ANKRD26: variants seen among roughly 807,000 people sequenced by gnomAD.
ANKRD26 encodes ankyrin repeat domain 26.
Under a neutral mutation model 208.7 loss-of-function variants are expected in ANKRD26, and 141 were observed. The observed-to-expected ratio is 0.68, with a 90% CI of 0.59 to 0.78. The LOEUF (loss-of-function observed/expected upper bound fraction) is 0.78. Ranked by LOEUF, ANKRD26 falls within the 30% of genes least tolerant of loss-of-function variation. The pLI is 0.00. For missense variants in ANKRD26, 1,889 were observed against 1,938.7 expected, an observed-to-expected ratio of 0.97 and a Z score of 0.48; for synonymous variants, 636 against 660.4, an observed-to-expected ratio of 0.96 and a Z score of 0.57.
At chr10:26,973,632 T>C (rs112077750), downstream of ANKRD26, among the ~76,000 whole-genome samples, 1,525 of 148,362 alleles carry the variant, frequency 0.01, 35 homozygotes, top group African/African-American at 0.036. Flanking sequence ...ATATTTTACT[T>C]TTGTTTTTTA....
At chr10:27,040,922 T>C (rs946533299) in intron 20 of ANKRD26, among the ~76,000 whole-genome samples, 1 of 150,402 alleles carries the variant, frequency 6.6e-6, no homozygotes, top group South Asian at 2.1e-4. Context: ...CACAGCTACT[T>C]GGGGGGGCCG....
downstream of ANKRD26, among the ~76,000 whole-genome samples, chr10:26,971,345 T>C (rs1245994422): frequency 6.6e-6 from 1 of 151,502 alleles, no homozygotes; most frequent in African/African-American, 2.4e-5. Context: ...ATTGCTCCAT[T>C]GCACTCCAGC....
intron 15 of ANKRD26, among the ~76,000 whole-genome samples, chr10:27,056,123 T>C (rs1284825423): frequency 6.6e-6 from 1 of 152,208 alleles, no homozygotes; most frequent in Non-Finnish European, 1.5e-5. Context: ...TTTTGTCCGG[T>C]TGTAGGTTAC....
At chr10:27,082,668 C>T in intron 6 of ANKRD26, 135 bp downstream of exon 6, 1 of 1,304,130 alleles carries the variant, frequency 7.7e-7, no homozygotes, top group Non-Finnish European at 1.0e-6. Flanking sequence ...TAATATAGCA[C>T]AGATACTTTG....
Position 27,077,662 on chromosome 10 carries a change from A to T in ANKRD26, c.845T>A (p.Met282Lys). 6.2e-7 allele frequency: 1 copy of T among 1,613,280 alleles called. No homozygotes were observed. The highest frequency in any genetic ancestry group is 1.1e-5 in the South Asian group (1 of 91,046). Residue 282 changes from methionine to lysine, a missense_variant, in exon 8 of 34, where the codon ATG (methionine) becomes AAG (lysine). Physicochemically the swap from Met to Lys is moderately conservative, Grantham distance 95 (BLOSUM62 -1). Transcript: ENST00000376087. ...TTTCCTGGATTGCTGAGAAGCAGTCATTAGCTTTGCTAAGCTTGGTTTTGG... is the reference window on the plus strand; with the variant it reads ...TTTCCTGGATTGCTGAGAAGCAGTCTTTAGCTTTGCTAAGCTTGGTTTTGG... The part of the protein sequence containing the change: ...NVPKPSLAKL[M>K]TASQQSRKNL...
chr10:27,016,397 C>T (rs1417113735), intron 30 of ANKRD26, among the ~76,000 whole-genome samples: 2 of 152,186 alleles, frequency 1.3e-5, no homozygotes, highest in Admixed American at 6.5e-5. Context: ...CTCAGTCTCC[C>T]GAGTAACTGG....
Position 27,100,390 on chromosome 10 carries a change from C to G in ANKRD26, c.-64G>C. On this transcript the variant is annotated 5_prime_UTR_variant, in exon 1 of 34. Transcript: ENST00000376087. Reference sequence around the variant, plus strand: ...TCTCGGCTCTTAACGGCCTCCGGAGCCCAACATAACAAGTCAGCCCCGGCT... The same window carrying G: ...TCTCGGCTCTTAACGGCCTCCGGAGGCCAACATAACAAGTCAGCCCCGGCT... 1 of 1,593,742 alleles carries G rather than the reference C, an allele frequency of 6.3e-7. No homozygotes were observed. Among genetic ancestry groups the G allele is most frequent in the South Asian group, 1.1e-5 (1 of 89,866 alleles).
At chr10:26,967,695 T>C in the ANKRD26 span, among the ~76,000 whole-genome samples, 4 of 152,192 alleles carry the variant, frequency 2.6e-5, no homozygotes, top group East Asian at 7.7e-4. Context: ...ATTCAACTTC[T>C]TTCCACTTCC....
downstream of ANKRD26, among the ~76,000 whole-genome samples, chr10:27,002,143 G>A (rs2052739163): frequency 6.6e-6 from 1 of 152,156 alleles, no homozygotes; most frequent in Non-Finnish European, 1.5e-5. Flanking sequence ...TCTGGGAAAG[G>A]ATGGGGTGAA....
At chr10:27,098,572 G>T (rs1415711945) in intron 1 of ANKRD26, among the ~76,000 whole-genome samples, 4 of 140,804 alleles carry the variant, frequency 2.8e-5, no homozygotes, top group Non-Finnish European at 6.0e-5. Context: ...TTTTTGAGAC[G>T]GAGTCTTGCT....
chr10:27,035,820 T>C (rs2054024762), intron 23 of ANKRD26, 68 bp from the exon 24 acceptor site: 1 of 1,134,844 alleles, frequency 8.8e-7, no homozygotes, highest in Non-Finnish European at 1.3e-6. Flanking sequence ...TCCTCTGAAA[T>C]TAAAGAATAA....
At chr10:27,021,829 T>C (rs1043172530) in intron 29 of ANKRD26, among the ~76,000 whole-genome samples, 2 of 152,184 alleles carry the variant, frequency 1.3e-5, no homozygotes, top group Non-Finnish European at 2.9e-5. Context: ...GTTTGTTGGG[T>C]TGCATGTATG....
chr10:27,068,733 G>A (rs1047549221), intron 9 of ANKRD26, among the ~76,000 whole-genome samples: 6 of 152,014 alleles, frequency 3.9e-5, no homozygotes, highest in African/African-American at 1.5e-4. Context: ...TTTCAGAAAG[G>A]TCACCCTGGC....
At chr10:26,973,841 G>A (rs899968321), downstream of ANKRD26, among the ~76,000 whole-genome samples, 5 of 151,462 alleles carry the variant, frequency 3.3e-5, no homozygotes, top group African/African-American at 1.2e-4. Flanking sequence ...TTTTTTAGTA[G>A]AGACGGGGTT....
At chr10:26,972,037 C>T (rs548545044), downstream of ANKRD26, among the ~76,000 whole-genome samples, 49 of 152,176 alleles carry the variant, frequency 3.2e-4, no homozygotes, top group African/African-American at 1.1e-3. Flanking sequence ...AGATCGAGAC[C>T]ATCCTGGCTA....
rs146443677 is a variant in ANKRD26, at chr10:27,093,923, C to A, written c.243-124G>T. The A allele has an allele frequency of 0.017, 13,524 of 788,026 alleles. 186 individuals are homozygous for A. Among genetic ancestry groups the A allele is most frequent in the South Asian group, 0.051 (2,869 of 55,886 alleles). 48.8% of individuals were successfully genotyped at this position (788,026 alleles called of 1,614,324 possible). A position where few individuals can be genotyped will look rare whatever the true frequency, so the allele number is the denominator to read the frequency against. On this transcript the variant is annotated intron_variant, in intron 1 of 33. Coordinates refer to ENST00000376087, the MANE Select transcript of ANKRD26 (RefSeq NM_014915.3). ...TTTGGCTGTGTCCCCACCCAAATCT[C>A]ATCTTGGCTGTGTCCCCAACCAAAT... is the stretch of plus-strand genomic sequence containing the variant.
At chr10:26,951,009 TTTTC>T in the ANKRD26 span, among the ~76,000 whole-genome samples, 1 of 91,300 alleles carries the variant, frequency 1.1e-5, no homozygotes, top group Non-Finnish European at 2.3e-5. Context: ...TTTTCTTTTC[TTTTC>T]TTTTTCTTTT....
rs763103344 is a variant in ANKRD26, at chr10:27,100,216, C to A, written c.111G>T (p.Gln37His). 2 of 1,613,242 alleles carry A rather than the reference C, an allele frequency of 1.2e-6. No individual in the cohort carries two copies. Among genetic ancestry groups the A allele is most frequent in the East Asian group, 4.5e-5 (2 of 44,890 alleles). ...GGEPGEGAYS[Q>H]PGYHVRDRDL... ...CTCGGTCTCGGACGTGGTAGCCGGG[C>A]TGCGAGTAGGCGCCCTCCCCCGGCT... Residue 37 changes from glutamine (Q) to histidine (H), a missense_variant, in exon 1 of 34, where the codon CAG (glutamine) becomes CAT (histidine). By Grantham distance (24) the Gln-to-His change is conservative. Around this residue, in one of 3 missense-constraint regions of ANKRD26, gnomAD observed 1,272 missense variants for 1,273.8 expected, o/e 1.00. Coordinates refer to ENST00000376087, the MANE Select transcript of ANKRD26 (RefSeq NM_014915.3).
At chr10:27,027,296 G>A (rs1226955594) in intron 27 of ANKRD26, among the ~76,000 whole-genome samples, 1 of 152,186 alleles carries the variant, frequency 6.6e-6, no homozygotes, top group Non-Finnish European at 1.5e-5. Context: ...CATTCTTGAT[G>A]AGGAATAAAA....
Sources: gnomAD v4.1 joint callset for allele counts (sites outside exome capture counted in the v4.1 genomes callset) on GRCh38, gnomAD v4.1.1 for gene constraint, gnomAD v4.1.1 regional missense constraint, MANE v1.5 for transcripts, NCBI Gene and HGNC (gene_info 2026-07-23, HGNC 2026-07-21) for gene names.